PC: variants seen among roughly 807,000 people sequenced by gnomAD.
PC encodes the protein pyruvate carboxylase.
Under a neutral mutation model 107.8 loss-of-function variants are expected in PC, and 46 were observed. That is an observed-to-expected ratio of 0.43 (90% confidence interval 0.34 to 0.55). PC has a LOEUF of 0.55. Ranked by LOEUF, PC falls within the 20% of genes least tolerant of loss-of-function variation. PC has a pLI of 0.04. For synonymous variants in PC, 662 were observed against 684.7 expected, an observed-to-expected ratio of 0.97 and a Z score of 0.52; for missense variants, 1,241 against 1,643.1, an observed-to-expected ratio of 0.76 and a Z score of 4.23.
intron 1 of PC, among the ~76,000 whole-genome samples, chr11:66,956,367 C>A (rs898667130): frequency 2.6e-5 from 4 of 151,860 alleles, no homozygotes; most frequent in Non-Finnish European, 4.4e-5. Flanking sequence ...GGCGGATCAC[C>A]TGAGGTCAGG....
At chr11:66,907,957 C>G (rs1275171144) in intron 3 of PC, 1 of 152,344 alleles carries the variant, frequency 6.6e-6, no homozygotes. Context: ...GAACTGTCCC[C>G]TCCTTTACCG....
Position 66,858,602 on chromosome 11 carries a change from C to G in PC, c.1368+5172G>C. 1 of 1,534,976 alleles carries G rather than the reference C, an allele frequency of 6.5e-7. No homozygotes were observed. The highest frequency in any genetic ancestry group is 8.7e-7 in the Non-Finnish European group (1 of 1,144,210). On this transcript the variant is annotated intron_variant, in intron 12 of 22. Transcript: ENST00000393960. The surrounding 1 kb of genome is among the most constrained non-coding windows in gnomAD (Gnocchi z 5.9). ...GTGAGCCGCCCCTCATTGCCCGCCA[C>G]ACGCAGCGCCTCTGGGTGCTGGAAG...
chr11:66,850,692 C>T lies in PC; in HGVS notation c.2455G>A (p.Gly819Arg). The change falls in exon 18 of 23, where the codon GGG (glycine) becomes AGG (arginine). Residue 819 changes from glycine (G) to arginine (R), a missense_variant. Coordinates refer to ENST00000393960, the MANE Select transcript of PC (RefSeq NM_001040716.2). ...SMGALVACTR[G>R]TPLDTEVPME... ...TTCCTACCTGTGTCCAGGGGAGTCC[C>T]TCTGGTACAGGCCACCAGGGCCCCC... 1.2e-6 allele frequency: 2 copies of T among 1,610,350 alleles called. No homozygotes were observed. The highest frequency in any genetic ancestry group is 1.1e-5 in the South Asian group (1 of 91,080).
intron 12 of PC, chr11:66,860,226 G>A: frequency 6.5e-7 from 1 of 1,539,864 alleles, no homozygotes; most frequent in Non-Finnish European, 8.7e-7. Flanking sequence ...TGCTCCAAGG[G>A]ATGAGCCTCG....
intron 3 of PC, among the ~76,000 whole-genome samples, chr11:66,901,191 C>G (rs573092694): frequency 6.6e-6 from 1 of 152,144 alleles, no homozygotes; most frequent in Non-Finnish European, 1.5e-5. Flanking sequence ...CCCTGTATGC[C>G]CTTCTCTGGA....
chr11:66,940,325 G>C (rs1172967268), intron 3 of PC, among the ~76,000 whole-genome samples: 1 of 151,388 alleles, frequency 6.6e-6, no homozygotes, highest in Non-Finnish European at 1.5e-5. Flanking sequence ...CAGTCTCCCT[G>C]GTAGTTGGGA....
chr11:66,902,820 C>T (rs1194840684), intron 3 of PC, among the ~76,000 whole-genome samples: 1 of 152,232 alleles, frequency 6.6e-6, no homozygotes, highest in Non-Finnish European at 1.5e-5. Context: ...TGCTGCCCAG[C>T]CAACCCCCAG....
Position 66,857,596 on chromosome 11 carries a change from C to T in PC, c.1369-4213G>A, listed in dbSNP as rs1945943210. ...CCTGCAGGCCCCAACCTTCCCTCATCTCTGGCGGCCCTCTTGGGCCTCTGA... is the reference window on the plus strand; with the variant it reads ...CCTGCAGGCCCCAACCTTCCCTCATTTCTGGCGGCCCTCTTGGGCCTCTGA... On this transcript the variant is annotated intron_variant, in intron 12 of 22. Transcript: ENST00000393960. The surrounding 1 kb of genome is among the most constrained non-coding windows in gnomAD (Gnocchi z 7.1). The T allele has an allele frequency of 3.7e-6, 3 of 816,114 alleles. No homozygotes were observed. The highest frequency in any genetic ancestry group is 5.6e-6 in the Non-Finnish European group (3 of 536,078). The allele number at this position is 816,114 out of a possible 1,614,324, so 50.6% of individuals were successfully genotyped here.
chr11:66,946,114 A>AG (rs1224577808), intron 3 of PC, among the ~76,000 whole-genome samples: 5 of 150,486 alleles, frequency 3.3e-5, no homozygotes, highest in Admixed American at 6.6e-5. Context: ...AAAAAAAAAA[A>AG]GAAATCTGTG....
intron 11 of PC, among the ~76,000 whole-genome samples, chr11:66,865,006 C>T (rs984319771): frequency 1.3e-5 from 2 of 152,158 alleles, no homozygotes; most frequent in East Asian, 1.9e-4. Flanking sequence ...CAGAAACTGT[C>T]GGCTAAAAAT....
chr11:66,863,124 CTGAGGT>C (rs1201889960), intron 12 of PC, among the ~76,000 whole-genome samples: 4 of 152,134 alleles, frequency 2.6e-5, no homozygotes, highest in African/African-American at 9.7e-5. Flanking sequence ...GGTGGAACAC[CTGAGGT>C]CAGGAGTTTG....
intron 3 of PC, among the ~76,000 whole-genome samples, chr11:66,913,690 A>G (rs572929818): frequency 6.6e-6 from 1 of 151,460 alleles, no homozygotes; most frequent in Admixed American, 6.6e-5. Flanking sequence ...AAAGAAAGAA[A>G]GAAATACTGC....
In PC at chr11:66,954,449, G is replaced by C. The variant is rs1949509143; in HGVS notation, c.-227-13C>G. 1 of 152,380 alleles carries C rather than the reference G, an allele frequency of 6.6e-6. No homozygotes were observed. Among genetic ancestry groups the C allele is most frequent in the Non-Finnish European group, 1.5e-5 (1 of 68,154 alleles). 9.4% of individuals were successfully genotyped at this position (152,380 alleles called of 1,614,324 possible). On this transcript the variant is annotated splice_polypyrimidine_tract_variant and intron_variant, in intron 1 of 22. Transcript: ENST00000393960. ...GACTAGAAGGCAGCTAAGAGAAAGA[G>C]AGGAAGGCACGGTCAGTCAGGCCCA...
rs568925019 is a variant in PC at position 66,848,922 on chromosome 11, C to T, written c.3514G>A (p.Asp1172Asn). The change falls in exon 23 of 23, where the codon GAC (aspartate) becomes AAC (asparagine). Residue 1172 changes from aspartate (D) to asparagine (N), a missense_variant. Transcript: ENST00000393960. Reference protein sequence around the residue: ...VTKDMTLEGDDLILEIE With the variant: ...VTKDMTLEGDNLILEIE ...GATCACTCGATCTCCAGGATGAGGTCGTCACCTTCCAGTGTCATGTCCTTG... is the reference window on the plus strand; with the variant it reads ...GATCACTCGATCTCCAGGATGAGGTTGTCACCTTCCAGTGTCATGTCCTTG... 52 of 1,613,882 alleles carry T rather than the reference C, an allele frequency of 3.2e-5. No homozygotes were observed. Among genetic ancestry groups the T allele is most frequent in the South Asian group, 2.7e-4 (25 of 91,066 alleles).
rs199678394 is a variant in PC, at chr11:66,871,428, G to A, written c.374C>T (p.Ala125Val). 26 of 1,613,552 alleles carry A rather than the reference G, an allele frequency of 1.6e-5. No homozygotes were observed. The highest frequency in any genetic ancestry group is 2.2e-5 in the East Asian group (1 of 44,884). ...HPGYGFLSER[A>V]DFAQACQDAG... Reference sequence around the variant, plus strand: ...ATCCTGGCAGGCCTGGGCGAAGTCCGCTCGCTCAGAGAGGAACCCGTAGCC... The same window carrying A: ...ATCCTGGCAGGCCTGGGCGAAGTCCACTCGCTCAGAGAGGAACCCGTAGCC... The change falls in exon 6 of 23, where the codon GCG becomes GTG. Residue 125 changes from alanine (A) to valine (V), a missense_variant. Transcript: ENST00000393960. The surrounding 1 kb of genome is among the most constrained non-coding windows in gnomAD (Gnocchi z 7.4).
At chr11:66,941,744 G>A (rs945361720) in intron 3 of PC, among the ~76,000 whole-genome samples, 5 of 152,008 alleles carry the variant, frequency 3.3e-5, no homozygotes, top group African/African-American at 9.6e-5. Flanking sequence ...TGCCTGCCTC[G>A]GCCTCCCAAA....
chr11:66,942,037 G>A (rs1326771012), intron 3 of PC, among the ~76,000 whole-genome samples: 1 of 151,666 alleles, frequency 6.6e-6, no homozygotes, highest in Non-Finnish European at 1.5e-5. Context: ...GGGAGGCAGA[G>A]GTTGTAGTGA....
chr11:66,902,444 T>A (rs1947992111), intron 3 of PC, among the ~76,000 whole-genome samples: 2 of 152,130 alleles, frequency 1.3e-5, no homozygotes, highest in African/African-American at 4.8e-5. Flanking sequence ...AAGGGGAATA[T>A]TATTGTAAGC....
At chr11:66,951,691 A>C (rs944262563) in intron 3 of PC, among the ~76,000 whole-genome samples, 1 of 152,092 alleles carries the variant, frequency 6.6e-6, no homozygotes, top group Non-Finnish European at 1.5e-5. Flanking sequence ...AGAGATTGAG[A>C]CCATCCTGGC....
Sources: allele counts gnomAD v4.1 joint callset (sites outside exome capture counted in the v4.1 genomes callset), GRCh38; gene constraint gnomAD v4.1.1; non-coding constraint Gnocchi (gnomAD v3.1); transcripts MANE v1.5; gene names NCBI Gene and HGNC (gene_info 2026-07-23, HGNC 2026-07-21).